FADS2: variants seen among roughly 807,000 people sequenced by gnomAD.
FADS2 encodes the protein acyl-CoA 6-desaturase.
Under a neutral mutation model 61.2 loss-of-function variants are expected in FADS2, and 18 were observed. The observed-to-expected ratio is 0.29, with a 90% CI of 0.20 to 0.44. FADS2 has a LOEUF of 0.44. Ranked by LOEUF, FADS2 falls within the 20% of genes least tolerant of loss-of-function variation. FADS2 has a pLI of 1.00. For synonymous variants in FADS2, 203 were observed against 223.9 expected (o/e 0.91, Z 0.83); for missense variants, 322 against 572.7 (o/e 0.56, Z 4.47).
At chr11:61,848,557 C>T (rs2067280502) in intron 5 of FADS2, 4 of 483,442 alleles carry the variant, frequency 8.3e-6, no homozygotes, top group Non-Finnish European at 7.6e-6. Flanking sequence ...CTGAATTGTT[C>T]TGGCTGGAAT....
At chr11:61,862,825 G>A (rs747283607) in intron 7 of FADS2, 147 bp from the exon 8 acceptor site, 11 of 663,202 alleles carry the variant, frequency 1.7e-5, no homozygotes, top group Non-Finnish European at 2.7e-5. Context: ...GAGCAAGCAG[G>A]TGGCGTGTAG....
In FADS2 at chr11:61,816,891, G is replaced by A; in HGVS notation, c.141+465G>A. 2 of 1,455,782 alleles carry A rather than the reference G, an allele frequency of 1.4e-6. No homozygotes were observed. The highest frequency in any genetic ancestry group is 9.0e-7 in the Non-Finnish European group (1 of 1,115,068). The allele number at this position is 1,455,782 out of a possible 1,614,324, so 90.2% of individuals were successfully genotyped here. The stretch of plus-strand genomic sequence containing the variant: ...GCCTGCGCGCCGGGTTTTCAGCACC[G>A]CAGGGCAGACCGGCGGGCCTCGCAG... On this transcript the variant is annotated intron_variant, in intron 1 of 11. Coordinates refer to the FADS2 transcript ENST00000257261. The surrounding 1 kb of genome is among the most constrained non-coding windows in gnomAD (Gnocchi z 7.0).
upstream of FADS2, among the ~76,000 whole-genome samples, chr11:61,824,774 A>G (rs1241053426): frequency 6.6e-6 from 1 of 152,140 alleles, no homozygotes; most frequent in Non-Finnish European, 1.5e-5. Context: ...TCTGATGCAG[A>G]GCCCATTAAA....
At position 61,816,970 on chromosome 11, in the gene FADS2, CG is replaced by C; in HGVS notation, c.141+546del. 1.5e-6 allele frequency: 2 copies of C among 1,368,720 alleles called. No homozygotes were observed. The highest frequency in any genetic ancestry group is 1.9e-6 in the Non-Finnish European group (2 of 1,068,948). 84.8% of individuals were successfully genotyped at this position (1,368,720 alleles called of 1,614,324 possible). A position where few individuals can be genotyped will look rare whatever the true frequency, so the allele number is the denominator to read the frequency against. On this transcript the variant is annotated intron_variant, in intron 1 of 11. Transcript: ENST00000257261. The surrounding 1 kb of genome is among the most constrained non-coding windows in gnomAD (Gnocchi z 7.0). ...GCGCGGGGAGCGAGATCCCGTCCCCCGGTGGGTCTTGGGCAACTCACAGCTG... is the reference window on the plus strand; with the variant it reads ...GCGCGGGGAGCGAGATCCCGTCCCCCGTGGGTCTTGGGCAACTCACAGCTG...
chr11:61,837,967 CCCATGA>C, intron 2 of FADS2, 79 bp downstream of exon 2: 3 of 986,042 alleles, frequency 3.0e-6, no homozygotes, highest in Non-Finnish European at 4.7e-6. Context: ...CTCCCCTTGC[CCCATGA>C]CCAGTAACTG....
At chr11:61,839,329 C>CTT (rs146095094) in intron 2 of FADS2, among the ~76,000 whole-genome samples, 10 of 146,690 alleles carry the variant, frequency 6.8e-5, no homozygotes, top group African/African-American at 1.5e-4. Flanking sequence ...TTCTTTCTTT[C>CTT]TTTTTTTTTT....
chr11:61,833,092 G>C (rs1028665757), intron 1 of FADS2, among the ~76,000 whole-genome samples: 2 of 152,242 alleles, frequency 1.3e-5, no homozygotes, highest in African/African-American at 4.8e-5. Flanking sequence ...AACTGGCAAA[G>C]AGCGAAGTGT....
intron 2 of FADS2, among the ~76,000 whole-genome samples, chr11:61,840,091 G>A (rs2067205719): frequency 6.6e-6 from 1 of 152,220 alleles, no homozygotes; most frequent in South Asian, 2.1e-4. Context: ...AAGCTTTTGA[G>A]TCAAAGCCTT....
At chr11:61,824,502 G>GAAAGAAAGAAAGAAAGAAAGACAGAAA (rs140558358), upstream of FADS2, among the ~76,000 whole-genome samples, 1 of 21,688 alleles carries the variant, frequency 4.6e-5, no homozygotes. Context: ...AAGAAAGAAA[G>GAAAGAAAGAAAGAAAGAAAGACAGAAA]GAAAGAAAGA....
intron 2 of FADS2, among the ~76,000 whole-genome samples, chr11:61,839,667 A>G (rs2067202351): frequency 6.6e-6 from 1 of 152,222 alleles, no homozygotes; most frequent in Non-Finnish European, 1.5e-5. Flanking sequence ...AGTGGCATCA[A>G]ATAAGCACAT....
At chr11:61,845,430 A>C (rs921995311) in intron 4 of FADS2, among the ~76,000 whole-genome samples, 7 of 152,220 alleles carry the variant, frequency 4.6e-5, no homozygotes, top group Non-Finnish European at 1.0e-4. Flanking sequence ...GTTCCTGGGC[A>C]AGGCGGGCTT....
chr11:61,850,007 G>A (rs190559661), intron 5 of FADS2, among the ~76,000 whole-genome samples: 30 of 152,098 alleles, frequency 2.0e-4, no homozygotes, highest in Admixed American at 2.0e-3. Context: ...ACTCCAGCGG[G>A]GACAGAAGAG....
Position 61,828,439 on chromosome 11 carries a change from T to A in FADS2, c.49T>A (p.Ser17Thr). The A allele has an allele frequency of 6.3e-7, 1 of 1,593,696 alleles. No homozygotes were observed. Among genetic ancestry groups the A allele is most frequent in the South Asian group, 1.1e-5 (1 of 87,902 alleles). Reference protein sequence around the residue: ...QGEGAAEREVSVPTFSWEEIQ... With the variant: ...QGEGAAEREVTVPTFSWEEIQ... ...CGAGGGGGCCGCCGAGCGCGAGGTG[T>A]CGGTGCCCACCTTCAGCTGGGAGGA... Residue 17 changes from serine to threonine, a missense_variant, in exon 1 of 12, where the codon TCG (serine) becomes ACG (threonine). Physicochemically the swap from Ser to Thr is moderately conservative, Grantham distance 58. Around this residue, in one of 3 missense-constraint regions of FADS2, gnomAD observed 61 missense variants for 107.4 expected, o/e 0.57. Transcript: ENST00000278840. The surrounding 1 kb of genome is among the most constrained non-coding windows in gnomAD (Gnocchi z 6.4).
chr11:61,837,913 G>C, intron 2 of FADS2, 25 bp downstream of exon 2: 1 of 1,552,908 alleles, frequency 6.4e-7, no homozygotes, highest in Non-Finnish European at 8.9e-7. Flanking sequence ...CAACCTGGGT[G>C]GGGGTGGAGA....
intron 1 of FADS2, among the ~76,000 whole-genome samples, chr11:61,829,816 C>G (rs1027179300): frequency 2.6e-5 from 4 of 152,118 alleles, no homozygotes; most frequent in Non-Finnish European, 5.9e-5. Context: ...GTAGGCCCGA[C>G]CCTTAACTTC....
intron 1 of FADS2, among the ~76,000 whole-genome samples, chr11:61,818,420 T>A (rs2067007595): frequency 6.6e-6 from 1 of 152,184 alleles, no homozygotes; most frequent in Admixed American, 6.5e-5. Context: ...CTTGGCAGTG[T>A]CTAATGCGAG....
upstream of FADS2, among the ~76,000 whole-genome samples, chr11:61,824,445 AGGGAGGGAGGGAG>A (rs1565325217): frequency 2.8e-4 from 1 of 3,568 alleles, no homozygotes. Context: ...GGAGGGAGGG[AGGGAGGGAGGGAG>A]GGAGAGAGAG....
At chr11:61,863,162 TG>T in intron 8 of FADS2, 93 bp downstream of exon 8, 1 of 1,445,118 alleles carries the variant, frequency 6.9e-7, no homozygotes, top group Middle Eastern at 1.8e-4. Context: ...CCACTTTGCC[TG>T]GGGACCTCCC....
At chr11:61,839,768 C>T (rs2067203494) in intron 2 of FADS2, among the ~76,000 whole-genome samples, 1 of 152,216 alleles carries the variant, frequency 6.6e-6, no homozygotes, top group Admixed American at 6.5e-5. Context: ...CCTCATTCTC[C>T]CACCTCTCAG....
Sources: gnomAD v4.1 joint callset for allele counts (sites outside exome capture counted in the v4.1 genomes callset) on GRCh38, gnomAD v4.1.1 for gene constraint, gnomAD v4.1.1 regional missense constraint, Gnocchi (gnomAD v3.1) non-coding constraint, MANE v1.5 for transcripts, NCBI Gene and HGNC (gene_info 2026-07-23, HGNC 2026-07-21) for gene names.